Variants in OPCML observed in about 807,000 individuals in gnomAD.
OPCML encodes opioid binding protein/cell adhesion molecule like.
A neutral mutation model predicts 37.8 loss-of-function variants in OPCML; 13 were observed. The ratio of observed to expected loss-of-function variants is 0.34; its 90% confidence interval spans 0.22 to 0.55. OPCML has a LOEUF of 0.55. OPCML is among the 20% of genes least tolerant of loss of function. The pLI, the probability that OPCML is intolerant of heterozygous loss-of-function variation, is 0.91. For synonymous variants in OPCML, 176 were observed against 168.8 expected (o/e 1.04, Z -0.33); for missense variants, 341 against 435.6 (o/e 0.78, Z 1.93).
At chr11:132,859,433 A>C (rs2136353336) in intron 2 of OPCML, 1 of 152,338 alleles carries the variant, frequency 6.6e-6, no homozygotes, top group Admixed American at 6.5e-5. Context: ...TTCTAAGTTA[A>C]CTGAGTCCCA....
intron 4 of OPCML, among the ~76,000 whole-genome samples, chr11:132,494,111 G>A (rs1284286636): frequency 6.6e-5 from 10 of 152,124 alleles, no homozygotes; most frequent in Non-Finnish European, 1.2e-4. Flanking sequence ...GGTCACCTTC[G>A]ACCCCAGAAA....
rs529234790 is a variant in OPCML at position 133,505,669 on chromosome 11, T to C, written c.61+26595A>G. Among the ~76,000 whole-genome samples the C allele has an allele frequency of 6.6e-5, 10 of 152,358 alleles. No individual in the cohort carries two copies. The South Asian group carries it at 8.3e-4, about 13-fold the overall frequency. On this transcript the variant is annotated intron_variant, in intron 1 of 7. Transcript: ENST00000524381. Reference sequence around the variant, plus strand: ...ATTGGCCTCCAGTGCCCCTGTCTTATAATCGTTAACCATAAATAAGCAATG... The same window carrying C: ...ATTGGCCTCCAGTGCCCCTGTCTTACAATCGTTAACCATAAATAAGCAATG...
chr11:132,730,013 T>TC lies in OPCML; in HGVS notation c.147-72695_147-72694insG, dbSNP rs201007698. On this transcript the variant is annotated intron_variant, in intron 2 of 7. Transcript: ENST00000524381. The stretch of plus-strand genomic sequence containing the variant: ...CAATGCAGTCTTCTATGTGACTTTT[T>TC]TTTTTTTTTTTTTTTTTTGAGACAG... Among the ~76,000 whole-genome samples the TC allele has an allele frequency of 8.5e-3, 1,191 of 140,442 alleles. 14 individuals carry two copies. The highest frequency in any genetic ancestry group is 0.029 in the African/African-American group (1,098 of 37,390). 92.1% of individuals were successfully genotyped at this position (140,442 alleles called of 152,430 possible).
At chr11:132,786,908 G>A (rs533521357) in intron 2 of OPCML, among the ~76,000 whole-genome samples, 8 of 152,266 alleles carry the variant, frequency 5.3e-5, no homozygotes, top group East Asian at 1.9e-4. Context: ...GGGATGGAGC[G>A]TCTGGAGTGA....
chr11:132,874,570 T>C lies in OPCML; in HGVS notation c.146+68356A>G, dbSNP rs1008994419. Among the ~76,000 whole-genome samples, 21 of 152,162 alleles carry C rather than the reference T, an allele frequency of 1.4e-4. 1 individual carries two copies. The highest frequency in any genetic ancestry group is 4.4e-5 in the Non-Finnish European group (3 of 68,036). ...GGAATACTCTGAGAATAACTGGAAT[T>C]GTTCTTAGGAACTAGTCTCTCCCTG... On this transcript the variant is annotated intron_variant, in intron 2 of 7. Coordinates refer to ENST00000524381, the MANE Select transcript of OPCML (RefSeq NM_001012393.5).
intron 2 of OPCML, among the ~76,000 whole-genome samples, chr11:132,845,479 C>T (rs1941485690): frequency 6.6e-6 from 1 of 152,204 alleles, no homozygotes. Flanking sequence ...CTGTGGAATG[C>T]TATCTCTGAT....
At position 133,131,217 on chromosome 11, in the gene OPCML, G is replaced by A. The variant is rs534804616; in HGVS notation, c.62-188207C>T. Among the ~76,000 whole-genome samples the A allele has an allele frequency of 2.3e-4, 35 of 152,150 alleles. No homozygotes were observed. The Middle Eastern group carries it at 0.01, about 44-fold the overall frequency. ...GGACTTCCCATACTCCAGAACTGTA[G>A]GAAATAAATGTCTATTTCCTACAGT... On this transcript the variant is annotated intron_variant, in intron 1 of 7. Coordinates refer to ENST00000524381, the MANE Select transcript of OPCML (RefSeq NM_001012393.5).
At chr11:132,584,560 T>C (rs1055356461) in intron 3 of OPCML, among the ~76,000 whole-genome samples, 2 of 152,220 alleles carry the variant, frequency 1.3e-5, no homozygotes, top group Non-Finnish European at 2.9e-5. Context: ...CAGAACTAGC[T>C]AGTTAACTGG....
chr11:132,467,893 C>G (rs1026901158), intron 4 of OPCML, among the ~76,000 whole-genome samples: 9 of 152,184 alleles, frequency 5.9e-5, no homozygotes, highest in Non-Finnish European at 1.0e-4. Context: ...GCCAGGAGAG[C>G]TGACAACTCC....
chr11:132,647,059 T>C (rs1941187330), intron 3 of OPCML, among the ~76,000 whole-genome samples: 1 of 152,148 alleles, frequency 6.6e-6, no homozygotes, highest in South Asian at 2.1e-4. Flanking sequence ...ACAGAAAGGA[T>C]GTGTATTGTA....
At chr11:133,516,225 GC>G (rs1948268554) in intron 1 of OPCML, among the ~76,000 whole-genome samples, 1 of 152,164 alleles carries the variant, frequency 6.6e-6, no homozygotes, top group Non-Finnish European at 1.5e-5. Flanking sequence ...ACCTGGAGAG[GC>G]TTCGTGTCAG....
At chr11:133,431,946 G>A (rs979043328) in intron 1 of OPCML, among the ~76,000 whole-genome samples, 1 of 151,892 alleles carries the variant, frequency 6.6e-6, no homozygotes, top group Admixed American at 6.6e-5. Flanking sequence ...AATACGTACG[G>A]TTCTCTCTGG....
chr11:133,294,076 A>C (rs1351563966), intron 1 of OPCML, among the ~76,000 whole-genome samples: 1 of 152,046 alleles, frequency 6.6e-6, no homozygotes, highest in Non-Finnish European at 1.5e-5. Flanking sequence ...AGTGAAAATG[A>C]TATGATTTTC....
chr11:133,470,398 T>C (rs1947077479), intron 1 of OPCML, among the ~76,000 whole-genome samples: 1 of 152,192 alleles, frequency 6.6e-6, no homozygotes, highest in South Asian at 2.1e-4. Flanking sequence ...AATCTCATGG[T>C]GGAGAAAGCC....
intron 3 of OPCML, among the ~76,000 whole-genome samples, chr11:132,640,937 GACA>G (rs1372348093): frequency 6.6e-6 from 1 of 152,170 alleles, no homozygotes; most frequent in African/African-American, 2.4e-5. Context: ...CCCTGAGTAG[GACA>G]ACTTCTGCCT....
At chr11:133,209,093 C>T (rs1354915872) in intron 1 of OPCML, among the ~76,000 whole-genome samples, 2 of 152,234 alleles carry the variant, frequency 1.3e-5, no homozygotes, top group Admixed American at 1.3e-4. Flanking sequence ...ATTTAACACT[C>T]TTAAAGCATT....
intron 1 of OPCML, among the ~76,000 whole-genome samples, chr11:133,373,065 G>T (rs571360937): frequency 6.6e-6 from 1 of 151,996 alleles, no homozygotes; most frequent in East Asian, 1.9e-4. Flanking sequence ...AAAAGACAAA[G>T]AAAAAAATTA....
chr11:132,670,237 T>A (rs1942404893), intron 2 of OPCML, among the ~76,000 whole-genome samples: 1 of 152,184 alleles, frequency 6.6e-6, no homozygotes. Flanking sequence ...GGGAGCTTGA[T>A]ATCTTTTTGA....
chr11:132,724,481 A>G (rs983480012), intron 2 of OPCML, among the ~76,000 whole-genome samples: 1 of 152,084 alleles, frequency 6.6e-6, no homozygotes, highest in African/African-American at 2.4e-5. Flanking sequence ...GGTTCCTCCC[A>G]CAACAAGTTG....
Sources: allele counts gnomAD v4.1 joint callset (sites outside exome capture counted in the v4.1 genomes callset), GRCh38; gene constraint gnomAD v4.1.1; transcripts MANE v1.5; gene names NCBI Gene and HGNC (gene_info 2026-07-23, HGNC 2026-07-21).